The following CD28 variants were observed in gnomAD, a reference collection of about 807,000 sequenced individuals.
CD28 encodes the protein T-cell-specific surface glycoprotein CD28.
A neutral mutation model predicts 21.4 loss-of-function variants in CD28; 8 were observed. The ratio of observed to expected loss-of-function variants is 0.37; its 90% CI spans 0.22 to 0.68. CD28 has a LOEUF of 0.68. Among genes scored for constraint, CD28 ranks in the 30% least tolerant of loss-of-function variants. The pLI is 0.55. For missense variants in CD28, 239 were observed against 272.2 expected (o/e 0.88, Z 0.86); for synonymous variants, 106 against 104.0 (o/e 1.02, Z -0.12).
At chr2:203,710,290 C>G (rs114578657) in intron 1 of CD28, among the ~76,000 whole-genome samples, 1 of 152,192 alleles carries the variant, frequency 6.6e-6, no homozygotes, top group Non-Finnish European at 1.5e-5. Context: ...TTGTTTTACT[C>G]TACTACCGTG....
chr2:203,727,118 A>G (rs1693772498), intron 2 of CD28, 129 bp downstream of exon 2: 2 of 643,052 alleles, frequency 3.1e-6, no homozygotes, highest in East Asian at 2.7e-5. Context: ...AAGACAAATA[A>G]TGTTTTCAGA....
intron 1 of CD28, among the ~76,000 whole-genome samples, chr2:203,725,245 G>A (rs140944813): frequency 0.01 from 1,561 of 150,874 alleles, 27 homozygotes; most frequent in African/African-American, 0.037. Flanking sequence ...AGCTGAGATC[G>A]CACCATTGCA....
At chr2:203,724,525 C>T (rs1442531223) in intron 1 of CD28, among the ~76,000 whole-genome samples, 1 of 152,074 alleles carries the variant, frequency 6.6e-6, no homozygotes, top group African/African-American at 2.4e-5. Context: ...TTTTAAAGTT[C>T]TTGATATAAA....
At chr2:203,721,009 G>A (rs1693590494) in intron 1 of CD28, among the ~76,000 whole-genome samples, 1 of 152,074 alleles carries the variant, frequency 6.6e-6, no homozygotes, top group South Asian at 2.1e-4. Context: ...AACCAAGGTG[G>A]GACCAAATGC....
chr2:203,709,298 G>A (rs1024214124), intron 1 of CD28, among the ~76,000 whole-genome samples: 7 of 151,884 alleles, frequency 4.6e-5, no homozygotes, highest in African/African-American at 1.7e-4. Context: ...ATCTGTGTGC[G>A]TGCATGTGTG....
intron 2 of CD28, 114 bp from the exon 3 acceptor site, chr2:203,729,534 G>A (rs891761544): frequency 2.8e-5 from 31 of 1,094,812 alleles, no homozygotes; most frequent in South Asian, 4.5e-5. Flanking sequence ...CTCTAAGCTG[G>A]TGATATGTTT....
intron 1 of CD28, among the ~76,000 whole-genome samples, chr2:203,711,807 A>G (rs1163730126): frequency 3.9e-5 from 6 of 152,190 alleles, no homozygotes; most frequent in Non-Finnish European, 7.3e-5. Flanking sequence ...GTGGTCTTGG[A>G]AGAGGAGTTC....
rs763453947 is a variant in CD28, at chr2:203,706,658, G to C, written c.-39G>C. 11 of 1,613,968 alleles carry C rather than the reference G, an allele frequency of 6.8e-6. No individual in the cohort carries two copies. In the African/African-American group the frequency reaches 1.3e-4, roughly 20 times the overall value. On this transcript the variant is annotated 5_prime_UTR_variant, in exon 1 of 4. Coordinates refer to ENST00000324106, the MANE Select transcript of CD28 (RefSeq NM_006139.4). ...CCCCTCACACTTCGGGTTCCTCGGGGAGGAGGGGCTGGAACCCTAGCCCAT... is the reference window on the plus strand; with the variant it reads ...CCCCTCACACTTCGGGTTCCTCGGGCAGGAGGGGCTGGAACCCTAGCCCAT...
chr2:203,712,718 C>T lies in CD28; in HGVS notation c.52+5970C>T, dbSNP rs766694332. On this transcript the variant is annotated intron_variant, in intron 1 of 3. Transcript: ENST00000324106. ...AATGAGGAAGCATAAAATAAATACT[C>T]GTAAGATTAATGTAGAAAGGTAAGC... Among the ~76,000 whole-genome samples the T allele has an allele frequency of 1.1e-4, 16 of 152,072 alleles. No homozygotes were observed. In the East Asian group the frequency reaches 1.7e-3, roughly 16 times the overall value.
At chr2:203,726,515 G>A in intron 1 of CD28, 118 bp from the exon 2 acceptor site, 1 of 708,590 alleles carries the variant, frequency 1.4e-6, no homozygotes, top group Non-Finnish European at 2.4e-6. Flanking sequence ...TACATCTTCT[G>A]CCAAGAGAAA....
In CD28 at chr2:203,726,842, G is replaced by T; in HGVS notation, c.262G>T (p.Gly88Trp). ...CTCAAAAACGGGGTTCAACTGTGATGGGAAATTGGGCAATGAATCAGTGAC... is the reference window on the plus strand; with the variant it reads ...CTCAAAAACGGGGTTCAACTGTGATTGGAAATTGGGCAATGAATCAGTGAC... ...VYSKTGFNCD[G>W]KLGNESVTFY... Residue 88 changes from glycine to tryptophan, a missense_variant, in exon 2 of 4, where the codon GGG becomes TGG. Physicochemically the swap from Gly to Trp is radical, Grantham distance 184. This residue lies in a region of CD28 where 104 missense variants were observed against 108.5 expected (regional missense o/e 0.96). Coordinates refer to ENST00000324106, the MANE Select transcript of CD28 (RefSeq NM_006139.4). 1 of 1,614,094 alleles carries T rather than the reference G, an allele frequency of 6.2e-7. No individual in the cohort carries two copies. The highest frequency in any genetic ancestry group is 8.5e-7 in the Non-Finnish European group (1 of 1,180,000).
chr2:203,706,729 C>T lies in CD28; in HGVS notation c.33C>T (p.Phe11=), dbSNP rs1693166002. ...GGCTGCTCTTGGCTCTCAACTTATT[C>T]CCTTCAATTCAAGTAACAGGTAAAC... is the stretch of plus-strand genomic sequence containing the variant. MLRLLLALNL[F]PSIQVTGNKI... The change falls in exon 1 of 4, where the codon TTC becomes TTT. Residue 11 remains phenylalanine, a synonymous_variant. Coordinates refer to ENST00000324106, the MANE Select transcript of CD28 (RefSeq NM_006139.4). The T allele has an allele frequency of 6.2e-7, 1 of 1,613,388 alleles. No homozygotes were observed. The highest frequency in any genetic ancestry group is 8.5e-7 in the Non-Finnish European group (1 of 1,179,356).
chr2:203,711,594 G>A (rs1455738740), intron 1 of CD28, among the ~76,000 whole-genome samples: 2 of 152,094 alleles, frequency 1.3e-5, no homozygotes, highest in African/African-American at 4.8e-5. Flanking sequence ...ATATAACCAG[G>A]TTAATGGTTC....
At chr2:203,733,171 T>G (rs555002112) in intron 3 of CD28, among the ~76,000 whole-genome samples, 2 of 152,302 alleles carry the variant, frequency 1.3e-5, no homozygotes, top group East Asian at 3.9e-4. Flanking sequence ...AGTCTTTCAT[T>G]TACAGAAAGG....
At chr2:203,730,326 G>T (rs1416177305) in intron 3 of CD28, among the ~76,000 whole-genome samples, 1 of 152,146 alleles carries the variant, frequency 6.6e-6, no homozygotes, top group African/African-American at 2.4e-5. Flanking sequence ...ACTATAATGG[G>T]AGTTAGAATT....
intron 2 of CD28, among the ~76,000 whole-genome samples, chr2:203,727,375 A>T (rs1693778931): frequency 2.0e-5 from 3 of 151,962 alleles, no homozygotes; most frequent in Admixed American, 1.3e-4. Context: ...TTTCTAATTA[A>T]TTCTTTTTTT....
chr2:203,717,528 GTC>G (rs1693493410), intron 1 of CD28, among the ~76,000 whole-genome samples: 1 of 152,150 alleles, frequency 6.6e-6, no homozygotes, highest in Non-Finnish European at 1.5e-5. Flanking sequence ...TTTGCCAACA[GTC>G]CTTTCATAAA....
rs1694101043 is a variant in CD28 at position 203,738,437 on chromosome 2, T to G, written c.*3525T>G. ...GCTATAGACTTATTAATAATCCAGG[T>G]CAAAGAGAGTGACACACACTCTCTC... is the stretch of plus-strand genomic sequence containing the variant. On this transcript the variant is annotated 3_prime_UTR_variant, in exon 4 of 4. Coordinates refer to ENST00000324106, the MANE Select transcript of CD28 (RefSeq NM_006139.4). 1 of 152,104 alleles carries G rather than the reference T, an allele frequency of 6.6e-6. No homozygotes were observed. The highest frequency in any genetic ancestry group is 1.5e-5 in the Non-Finnish European group (1 of 68,028). 9.4% of individuals were successfully genotyped at this position (152,104 alleles called of 1,614,324 possible). A position where few individuals can be genotyped will look rare whatever the true frequency, so the allele number is the denominator to read the frequency against.
At chr2:203,718,406 TC>T (rs1693519751) in intron 1 of CD28, among the ~76,000 whole-genome samples, 1 of 152,222 alleles carries the variant, frequency 6.6e-6, no homozygotes, top group African/African-American at 2.4e-5. Context: ...GAGGTGCTCT[TC>T]TATGCCAGGG....
Sources: gnomAD v4.1 joint callset for allele counts (sites outside exome capture counted in the v4.1 genomes callset) on GRCh38, gnomAD v4.1.1 for gene constraint, gnomAD v4.1.1 regional missense constraint, MANE v1.5 for transcripts, NCBI Gene and HGNC (gene_info 2026-07-23, HGNC 2026-07-21) for gene names.